The following ATF7IP variants were observed in gnomAD, a reference collection of about 807,000 sequenced individuals.
ATF7IP encodes activating transcription factor 7 interacting protein.
ATF7IP carries 23 observed loss-of-function variants against 106.4 expected under a neutral mutation model. That is an observed-to-expected ratio of 0.22 (90% CI 0.16 to 0.31). The LOEUF (loss-of-function observed/expected upper bound fraction) is 0.31, where lower values mean the gene tolerates loss of function less well. Ranked by LOEUF, ATF7IP falls within the 10% of genes least tolerant of loss-of-function variation. ATF7IP has a pLI of 1.00. For synonymous variants in ATF7IP, 542 were observed against 539.0 expected (o/e 1.01, Z -0.08); for missense variants, 1,334 against 1,524.3 (o/e 0.88, Z 2.08).
intron 1 of ATF7IP, among the ~76,000 whole-genome samples, chr12:14,391,092 A>G (rs1939521722): frequency 6.6e-6 from 1 of 152,246 alleles, no homozygotes. Flanking sequence ...TTTGAGAGAA[A>G]GCCTAATGTC....
chr12:14,453,378 C>G (rs1183191633), intron 6 of ATF7IP, among the ~76,000 whole-genome samples: 1 of 151,966 alleles, frequency 6.6e-6, no homozygotes, highest in Non-Finnish European at 1.5e-5. Context: ...TTTTCATTCT[C>G]TTTTTGCTCC....
intron 1 of ATF7IP, among the ~76,000 whole-genome samples, chr12:14,415,171 G>A (rs1202058184): frequency 6.6e-6 from 1 of 152,174 alleles, no homozygotes; most frequent in Non-Finnish European, 1.5e-5. Context: ...AAGCTAGTGA[G>A]TAGGGCCTTG....
At chr12:14,378,802 A>T (rs989360687) in intron 1 of ATF7IP, among the ~76,000 whole-genome samples, 11 of 152,246 alleles carry the variant, frequency 7.2e-5, no homozygotes, top group Admixed American at 1.3e-4. Flanking sequence ...GCCTGCATCC[A>T]TGAGTCTCTT....
intron 1 of ATF7IP, among the ~76,000 whole-genome samples, chr12:14,388,962 G>A (rs1032034372): frequency 6.6e-6 from 1 of 152,010 alleles, no homozygotes; most frequent in Non-Finnish European, 1.5e-5. Flanking sequence ...TTTGATTTTC[G>A]TTTCTTCGTC....
At chr12:14,389,827 A>G (rs1348391378) in intron 1 of ATF7IP, among the ~76,000 whole-genome samples, 2 of 152,070 alleles carry the variant, frequency 1.3e-5, no homozygotes, top group Non-Finnish European at 2.9e-5. Context: ...GGGTTTCTCC[A>G]TGTTGAGGCT....
chr12:14,439,155 C>T (rs764837560), intron 5 of ATF7IP, among the ~76,000 whole-genome samples: 5 of 152,034 alleles, frequency 3.3e-5, no homozygotes, highest in Non-Finnish European at 7.4e-5. Flanking sequence ...TACTTTATTC[C>T]AAAGCTAAGA....
intron 1 of ATF7IP, among the ~76,000 whole-genome samples, chr12:14,370,482 CTG>C (rs1938487885): frequency 6.6e-6 from 1 of 152,070 alleles, no homozygotes; most frequent in African/African-American, 2.4e-5. Flanking sequence ...CTGATTTTGA[CTG>C]TTTTTGCAGA....
intron 12 of ATF7IP, among the ~76,000 whole-genome samples, chr12:14,480,116 G>A (rs910971742): frequency 1.3e-5 from 2 of 152,006 alleles, no homozygotes; most frequent in African/African-American, 4.8e-5. Flanking sequence ...TAAAGAAACC[G>A]TTTTATCTTT....
At chr12:14,394,213 A>G (rs189929446) in intron 1 of ATF7IP, among the ~76,000 whole-genome samples, 45 of 152,320 alleles carry the variant, frequency 3.0e-4, no homozygotes, top group Admixed American at 1.4e-3. Flanking sequence ...AGGTAGTTGT[A>G]GAGTAGAATG....
At chr12:14,483,999 A>C (rs1944508038) in intron 13 of ATF7IP, among the ~76,000 whole-genome samples, 1 of 152,190 alleles carries the variant, frequency 6.6e-6, no homozygotes, top group Non-Finnish European at 1.5e-5. Context: ...CAGCATAGGC[A>C]AACCCATATC....
intron 1 of ATF7IP, chr12:14,367,190 T>C (rs1044656236): frequency 6.6e-6 from 1 of 152,190 alleles, no homozygotes; most frequent in African/African-American, 2.4e-5. Context: ...ATCAGTCTAC[T>C]GTCAAATGAA....
At chr12:14,367,585 T>C (rs1410310640) in intron 1 of ATF7IP, 1 of 152,108 alleles carries the variant, frequency 6.6e-6, no homozygotes, top group African/African-American at 2.4e-5. Flanking sequence ...TGATCTTTGA[T>C]CTTAGGGCAT....
chr12:14,481,060 C>T lies in ATF7IP; in HGVS notation c.3155C>T (p.Pro1052Leu), dbSNP rs758845203. Residue 1052 changes from proline to leucine, a missense_variant, in exon 13 of 15, where the codon CCT becomes CTT. This residue lies in a region of ATF7IP where 370 missense variants were observed against 401.2 expected (regional missense o/e 0.92). Transcript: ENST00000261168. ...GTAACTCAGGTGACCACAAGACTCC[C>T]TGTACCAAGAGCTCCTGCAAACCAC... ...RPVTQVTTRL[P>L]VPRAPANHQV... The T allele has an allele frequency of 6.8e-6, 11 of 1,614,048 alleles. No individual in the cohort carries two copies. In the Admixed American group the frequency reaches 1.5e-4, roughly 22 times the overall value.
chr12:14,478,171 C>A (rs564334254), intron 11 of ATF7IP, 146 bp from the exon 12 acceptor site: 2 of 740,190 alleles, frequency 2.7e-6, no homozygotes, highest in East Asian at 2.7e-5. Context: ...CAAAAATACA[C>A]GTAAGTAAAA....
At chr12:14,389,545 T>C (rs748331641) in intron 1 of ATF7IP, among the ~76,000 whole-genome samples, 3 of 152,228 alleles carry the variant, frequency 2.0e-5, no homozygotes, top group Admixed American at 6.5e-5. Context: ...TGAAAAAAAT[T>C]CATTTTCAGA....
At chr12:14,370,193 A>G (rs949606011) in intron 1 of ATF7IP, among the ~76,000 whole-genome samples, 1 of 152,060 alleles carries the variant, frequency 6.6e-6, no homozygotes, top group East Asian at 1.9e-4. Context: ...GCCTCGGCCT[A>G]CCAAAGTGCT....
At chr12:14,454,241 A>G (rs747820639) in intron 6 of ATF7IP, among the ~76,000 whole-genome samples, 3 of 151,762 alleles carry the variant, frequency 2.0e-5, no homozygotes, top group Non-Finnish European at 2.9e-5. Flanking sequence ...TTGCCTCTCT[A>G]CTCTGAAGCT....
chr12:14,485,009 G>A (rs1591961734), intron 13 of ATF7IP, among the ~76,000 whole-genome samples: 1 of 152,226 alleles, frequency 6.6e-6, no homozygotes, highest in Middle Eastern at 3.4e-3. Context: ...ACCTGCAAAA[G>A]ATGGCAGGGC....
chr12:14,380,114 TTGAG>T (rs1451727054), intron 1 of ATF7IP, among the ~76,000 whole-genome samples: 3 of 152,206 alleles, frequency 2.0e-5, no homozygotes, highest in South Asian at 4.1e-4. Context: ...TCCAGTCCTA[TTGAG>T]TTTTTCATTT....
Sources: gnomAD v4.1 joint callset for allele counts (sites outside exome capture counted in the v4.1 genomes callset) on GRCh38, gnomAD v4.1.1 for gene constraint, gnomAD v4.1.1 regional missense constraint, MANE v1.5 for transcripts, NCBI Gene and HGNC (gene_info 2026-07-23, HGNC 2026-07-21) for gene names.